NPLOC4: variants seen among roughly 807,000 people sequenced by gnomAD.
NPLOC4 encodes NPL4 homolog, ubiquitin recognition factor.
A neutral mutation model predicts 80.6 loss-of-function variants in NPLOC4; 18 were observed. The observed-to-expected ratio is 0.22, with a 90% CI of 0.15 to 0.33. The LOEUF (loss-of-function observed/expected upper bound fraction) is 0.33, where lower values mean the gene tolerates loss of function less well. Ranked by LOEUF, NPLOC4 falls within the 10% of genes least tolerant of loss-of-function variation. The probability of loss-of-function intolerance (pLI) is 1.00; values close to 1 mark genes in which losing one functional copy is unlikely to be tolerated. For synonymous variants in NPLOC4, 313 were observed against 301.5 expected (o/e 1.04, Z -0.39); for missense variants, 540 against 786.1 (o/e 0.69, Z 3.74).
At chr17:81,573,786 T>C (rs751693331) in intron 12 of NPLOC4, among the ~76,000 whole-genome samples, 17 of 152,186 alleles carry the variant, frequency 1.1e-4, no homozygotes, top group Non-Finnish European at 2.5e-4. Flanking sequence ...AGAATGAACC[T>C]GGACTCTATT....
chr17:81,603,067 G>T (rs1401210792), intron 8 of NPLOC4, among the ~76,000 whole-genome samples: 1 of 151,706 alleles, frequency 6.6e-6, no homozygotes, highest in Admixed American at 6.6e-5. Context: ...CACTTGGGAG[G>T]CTGAGGCAGG....
chr17:81,613,591 C>G, intron 3 of NPLOC4, 97 bp from the exon 4 acceptor site: 1 of 1,053,122 alleles, frequency 9.5e-7, no homozygotes, highest in South Asian at 1.6e-5. Flanking sequence ...TGCCAACCAC[C>G]CCTGTAGGCC....
intron 9 of NPLOC4, among the ~76,000 whole-genome samples, chr17:81,599,943 G>A (rs1022459956): frequency 2.6e-5 from 4 of 152,234 alleles, no homozygotes; most frequent in African/African-American, 2.4e-5. Flanking sequence ...GACTGTCCTC[G>A]GCTTCCAAGC....
intron 3 of NPLOC4, among the ~76,000 whole-genome samples, chr17:81,620,710 G>A (rs1015603140): frequency 1.3e-5 from 2 of 152,160 alleles, no homozygotes; most frequent in African/African-American, 4.8e-5. Flanking sequence ...CCAAGCAACA[G>A]AAGAGAAGGA....
chr17:81,587,844 A>T (rs1420500906), intron 12 of NPLOC4, among the ~76,000 whole-genome samples: 31 of 119,620 alleles, frequency 2.6e-4, no homozygotes, highest in South Asian at 5.5e-4. Flanking sequence ...TATTTTTTGT[A>T]TTTTTTTTTT....
At position 81,572,251 on chromosome 17, in the gene NPLOC4, T is replaced by C. The variant is rs909952323; in HGVS notation, c.1282-163A>G. The stretch of plus-strand genomic sequence containing the variant: ...TCGCCCAGGCTGGAATGCAGTGGCG[T>C]GATCTCCACTCACTGCAAGCTCCGC... On this transcript the variant is annotated intron_variant, in intron 12 of 16. Coordinates refer to ENST00000331134, the MANE Select transcript of NPLOC4 (RefSeq NM_017921.4). The surrounding 1 kb of genome is among the most constrained non-coding windows in gnomAD (Gnocchi z 4.5). 6 of 287,054 alleles carry C rather than the reference T, an allele frequency of 2.1e-5. No individual in the cohort carries two copies. The Admixed American group carries it at 3.1e-4, about 15-fold the overall frequency. The allele number at this position is 287,054 out of a possible 1,614,324, so 17.8% of individuals were successfully genotyped here.
intron 12 of NPLOC4, chr17:81,573,488 C>A (rs1357276946): frequency 6.6e-6 from 1 of 150,480 alleles, no homozygotes; most frequent in African/African-American, 2.5e-5. Context: ...AAATTAAATT[C>A]TGGCTGGTCC....
At chr17:81,559,623 A>G (rs1254504679) in intron 16 of NPLOC4, among the ~76,000 whole-genome samples, 2 of 151,194 alleles carry the variant, frequency 1.3e-5, no homozygotes, top group Non-Finnish European at 2.9e-5. Context: ...CACCACAGGG[A>G]GTAACAGGGA....
At chr17:81,630,858 C>T (rs1350957136) in intron 1 of NPLOC4, among the ~76,000 whole-genome samples, 1 of 151,876 alleles carries the variant, frequency 6.6e-6, no homozygotes, top group African/African-American at 2.4e-5. Context: ...GCATTGGTGA[C>T]AAAGTGAGAC....
chr17:81,583,932 T>C (rs1317174346), intron 12 of NPLOC4, among the ~76,000 whole-genome samples: 1 of 152,266 alleles, frequency 6.6e-6, no homozygotes, highest in African/African-American at 2.4e-5. Flanking sequence ...TTTTTAATTT[T>C]GCTTTCTAAG....
At chr17:81,610,611 T>C (rs901120264) in intron 4 of NPLOC4, among the ~76,000 whole-genome samples, 3 of 152,132 alleles carry the variant, frequency 2.0e-5, no homozygotes, top group Non-Finnish European at 4.4e-5. Context: ...TAGAAAAAAC[T>C]GACCCGCACA....
At chr17:81,600,184 T>G (rs902508452) in intron 9 of NPLOC4, among the ~76,000 whole-genome samples, 157 bp downstream of exon 9, 7 of 151,952 alleles carry the variant, frequency 4.6e-5, no homozygotes, top group Non-Finnish European at 8.8e-5. Context: ...AACAAACATA[T>G]GTGAAGTTTC....
chr17:81,634,613 T>G (rs1200926484), intron 1 of NPLOC4, among the ~76,000 whole-genome samples: 1 of 150,286 alleles, frequency 6.7e-6, no homozygotes, highest in Non-Finnish European at 1.5e-5. Context: ...TTTGAGACAG[T>G]CTTGCTCTGT....
chr17:81,587,736 C>G (rs986281039), intron 12 of NPLOC4, among the ~76,000 whole-genome samples: 2 of 136,426 alleles, frequency 1.5e-5, no homozygotes, highest in African/African-American at 5.5e-5. Flanking sequence ...TGCAGTGGCA[C>G]GATCTTAATG....
chr17:81,575,256 C>T (rs994662309), intron 12 of NPLOC4, among the ~76,000 whole-genome samples: 7 of 152,154 alleles, frequency 4.6e-5, no homozygotes, highest in African/African-American at 1.7e-4. Flanking sequence ...CCCGCCACCA[C>T]GCCCGGCTAA....
At position 81,580,035 on chromosome 17, in the gene NPLOC4, C is replaced by T. The variant is rs948884996; in HGVS notation, c.1282-7947G>A. Reference sequence around the variant, plus strand: ...GACTCACCAGGGAGCTCCTTTCTTGCCTGCCTTCCAGGGCGCTATGCTCCT... The same window carrying T: ...GACTCACCAGGGAGCTCCTTTCTTGTCTGCCTTCCAGGGCGCTATGCTCCT... On this transcript the variant is annotated intron_variant, in intron 12 of 16. Coordinates refer to ENST00000331134, the MANE Select transcript of NPLOC4 (RefSeq NM_017921.4). The surrounding 1 kb of genome is among the most constrained non-coding windows in gnomAD (Gnocchi z 4.4). Among the ~76,000 whole-genome samples the T allele has an allele frequency of 2.0e-5, 3 of 152,154 alleles. No individual in the cohort carries two copies. Among genetic ancestry groups the T allele is most frequent in the Admixed American group, 6.5e-5 (1 of 15,284 alleles).
intron 1 of NPLOC4, among the ~76,000 whole-genome samples, chr17:81,635,910 T>C (rs2036055006): frequency 8.3e-6 from 1 of 121,064 alleles, no homozygotes; most frequent in Non-Finnish European, 1.6e-5. Context: ...TCTCACAACT[T>C]AACGAGGGAC....
intron 11 of NPLOC4, among the ~76,000 whole-genome samples, chr17:81,589,442 T>A (rs928278385): frequency 6.7e-6 from 1 of 149,446 alleles, no homozygotes; most frequent in African/African-American, 2.5e-5. Context: ...GGCAGGAGAA[T>A]GGCGTGAATG....
At chr17:81,578,490 A>G (rs1376927744) in intron 12 of NPLOC4, among the ~76,000 whole-genome samples, 1 of 152,166 alleles carries the variant, frequency 6.6e-6, no homozygotes, top group Non-Finnish European at 1.5e-5. Context: ...TCACTGCTAT[A>G]ATGAACTGCC....
Sources: allele counts gnomAD v4.1 joint callset (sites outside exome capture counted in the v4.1 genomes callset), GRCh38; gene constraint gnomAD v4.1.1; non-coding constraint Gnocchi (gnomAD v3.1); transcripts MANE v1.5; gene names NCBI Gene and HGNC (gene_info 2026-07-23, HGNC 2026-07-21).